SPATA22: variants seen among roughly 807,000 people sequenced by gnomAD.
SPATA22 encodes the protein spermatogenesis-associated protein 22.
SPATA22 carries 29 observed loss-of-function variants against 47.8 expected under a neutral mutation model. That is an observed-to-expected ratio of 0.61 (90% CI 0.45 to 0.83). SPATA22 has a LOEUF of 0.83. Ranked by LOEUF, SPATA22 falls within the 40% of genes least tolerant of loss-of-function variation. The pLI is 0.00. For synonymous variants in SPATA22, 133 were observed against 140.9 expected, an observed-to-expected ratio of 0.94 and a Z score of 0.40; for missense variants, 410 against 421.7, an observed-to-expected ratio of 0.97 and a Z score of 0.24.
chr17:3,478,681 T>A (rs1168675776), intron 1 of SPATA22, among the ~76,000 whole-genome samples: 1 of 152,194 alleles, frequency 6.6e-6, no homozygotes, highest in Non-Finnish European at 1.5e-5. Context: ...CTCCTTACTG[T>A]TAACACTGTT....
At chr17:3,503,850 T>C (rs2074017444) in intron 1 of SPATA22, among the ~76,000 whole-genome samples, 2 of 152,196 alleles carry the variant, frequency 1.3e-5, no homozygotes. Flanking sequence ...TTCATGGGGT[T>C]ACTGTGAGGA....
intron 1 of SPATA22, among the ~76,000 whole-genome samples, chr17:3,495,774 G>A (rs1372993223): frequency 1.3e-5 from 2 of 152,030 alleles, no homozygotes; most frequent in African/African-American, 2.4e-5. Context: ...TCACCATGTT[G>A]GCCAGGATGG....
chr17:3,512,214 A>C (rs565082247), intron 1 of SPATA22: 1 of 152,286 alleles, frequency 6.6e-6, no homozygotes, highest in African/African-American at 2.4e-5. Context: ...GTTCTCCTCA[A>C]ATCTTCTCTT....
At chr17:3,503,393 TCTTC>T (rs1567622338) in intron 1 of SPATA22, 1 of 152,228 alleles carries the variant, frequency 6.6e-6, no homozygotes, top group Admixed American at 6.5e-5. Flanking sequence ...GAATAAACTC[TCTTC>T]CTTCTGAATT....
chr17:3,456,264 T>C (rs1435415361), intron 5 of SPATA22, among the ~76,000 whole-genome samples: 1 of 150,976 alleles, frequency 6.6e-6, no homozygotes. Flanking sequence ...CAGGAGCTGG[T>C]TTTCTGAAAG....
In SPATA22 at chr17:3,485,759, T is replaced by C. The variant is rs1036137528; in HGVS notation, c.-73-16361A>G. ...CATTAGCCTAGCACCTCTGAGTGGA[T>C]GCCAGTAGAAGACACAAGACTCCTA... On this transcript the variant is annotated intron_variant, in intron 1 of 8. Transcript: ENST00000541913. This position sits in a 1 kb window ranked among gnomAD's most constrained non-coding sequence, Gnocchi z 4.4. Among the ~76,000 whole-genome samples the C allele has an allele frequency of 1.3e-5, 2 of 152,170 alleles. No homozygotes were observed. Among genetic ancestry groups the C allele is most frequent in the Admixed American group, 6.5e-5 (1 of 15,276 alleles).
At chr17:3,507,882 T>C (rs1352236844) in intron 1 of SPATA22, among the ~76,000 whole-genome samples, 1 of 152,164 alleles carries the variant, frequency 6.6e-6, no homozygotes, top group Non-Finnish European at 1.5e-5. Context: ...TTCCCAGAAA[T>C]ATATCCTATG....
Position 3,462,554 on chromosome 17 carries a change from A to T in SPATA22, c.258T>A (p.Arg86=). ...AGACAGAATCTTGACTTCTCAGAGGACGAGAAACTGAATGTGGTATTTGCC... is the reference window on the plus strand; with the variant it reads ...AGACAGAATCTTGACTTCTCAGAGGTCGAGAAACTGAATGTGGTATTTGCC... ...DTGQIPHSVS[R]PLRSQDSVFN... is the part of the protein sequence containing the mutation. Residue 86 remains arginine, a synonymous_variant, in exon 5 of 9, where the codon CGT becomes CGA. Coordinates refer to ENST00000572969, the MANE Select transcript of SPATA22 (RefSeq NM_001170698.2). 1 of 1,613,282 alleles carries T rather than the reference A, an allele frequency of 6.2e-7. No homozygotes were observed. The highest frequency in any genetic ancestry group is 8.5e-7 in the Non-Finnish European group (1 of 1,179,588).
chr17:3,450,624 G>A (rs925646392), intron 5 of SPATA22, among the ~76,000 whole-genome samples: 5 of 151,960 alleles, frequency 3.3e-5, no homozygotes, highest in East Asian at 1.9e-4. Flanking sequence ...ACCATCACAC[G>A]CAACAATTTT....
At chr17:3,479,119 A>T (rs1373008874) in intron 1 of SPATA22, among the ~76,000 whole-genome samples, 1 of 152,216 alleles carries the variant, frequency 6.6e-6, no homozygotes, top group Non-Finnish European at 1.5e-5. Context: ...AAAATTCTTT[A>T]AAAATGTATC....
intron 5 of SPATA22, among the ~76,000 whole-genome samples, chr17:3,455,891 G>A (rs1328710431): frequency 6.6e-6 from 1 of 152,034 alleles, no homozygotes; most frequent in Non-Finnish European, 1.5e-5. Context: ...TGGGCAGTAT[G>A]GCCATTTTCA....
chr17:3,497,406 G>T (rs1418765356), intron 1 of SPATA22, among the ~76,000 whole-genome samples: 1 of 152,174 alleles, frequency 6.6e-6, no homozygotes, highest in Non-Finnish European at 1.5e-5. Flanking sequence ...TCGAGGAGGT[G>T]GCTGAAAGAA....
intron 5 of SPATA22, among the ~76,000 whole-genome samples, chr17:3,454,502 A>C (rs974033835): frequency 6.8e-6 from 1 of 147,962 alleles, no homozygotes. Context: ...TCCTGTGTCC[A>C]TGTGTTCTCA....
At chr17:3,512,361 A>G (rs1412863188) in intron 1 of SPATA22, 1 of 152,188 alleles carries the variant, frequency 6.6e-6, no homozygotes, top group Non-Finnish European at 1.5e-5. Context: ...AATCGGCCCC[A>G]TCAGGGGCAC....
rs190900777 is a variant in SPATA22, at chr17:3,508,412, C to T, written c.-74+5000G>A. ...ATCCCATGACTGGGTATATACCCAA[C>T]GGACTATAAATCATGCTGCTATAAA... On this transcript the variant is annotated intron_variant, in intron 1 of 8. Coordinates refer to the SPATA22 transcript ENST00000541913. Among the ~76,000 whole-genome samples the T allele has an allele frequency of 9.6e-4, 146 of 151,852 alleles. 3 individuals carry two copies. The East Asian group carries it at 0.019, about 20-fold the overall frequency.
intron 1 of SPATA22, among the ~76,000 whole-genome samples, chr17:3,509,637 T>C (rs1363688859): frequency 6.6e-6 from 1 of 152,242 alleles, no homozygotes; most frequent in Non-Finnish European, 1.5e-5. Flanking sequence ...TATGTGCATG[T>C]GTCTTTATAG....
At chr17:3,451,065 C>A (rs1271710553) in intron 5 of SPATA22, among the ~76,000 whole-genome samples, 1 of 152,158 alleles carries the variant, frequency 6.6e-6, no homozygotes, top group Non-Finnish European at 1.5e-5. Context: ...CTACAATGAA[C>A]TCAGTTTAGA....
At chr17:3,440,581 A>G (rs1037700043) in intron 8 of SPATA22, 5 of 313,716 alleles carry the variant, frequency 1.6e-5, no homozygotes, top group Non-Finnish European at 2.3e-5. Flanking sequence ...TTCATCAAAG[A>G]CTGAATAATC....
chr17:3,445,796 C>T (rs1303625722), intron 7 of SPATA22, among the ~76,000 whole-genome samples: 1 of 151,922 alleles, frequency 6.6e-6, no homozygotes, highest in Non-Finnish European at 1.5e-5. Flanking sequence ...TATATACACA[C>T]ATTTATATTT....
Sources: gnomAD v4.1 joint callset for allele counts (sites outside exome capture counted in the v4.1 genomes callset) on GRCh38, gnomAD v4.1.1 for gene constraint, Gnocchi (gnomAD v3.1) non-coding constraint, MANE v1.5 for transcripts, NCBI Gene and HGNC (gene_info 2026-07-23, HGNC 2026-07-21) for gene names.